The following TAFA1 variants were observed in gnomAD, a reference collection of about 807,000 sequenced individuals.
TAFA1 encodes the protein TAFA chemokine like family member 1.
TAFA1 carries 4 observed loss-of-function variants against 18.5 expected under a neutral mutation model. The observed-to-expected ratio is 0.22, with a 90% CI of 0.11 to 0.49. The LOEUF (loss-of-function observed/expected upper bound fraction) is 0.49, where lower values mean the gene tolerates loss of function less well. TAFA1 is among the 20% of genes least tolerant of loss of function. The pLI is 0.98. For synonymous variants in TAFA1, 56 were observed against 55.2 expected (o/e 1.01, Z -0.06); for missense variants, 147 against 169.0 (o/e 0.87, Z 0.72).
chr3:68,059,934 G>A (rs760041962), intron 2 of TAFA1, among the ~76,000 whole-genome samples: 2 of 152,022 alleles, frequency 1.3e-5, no homozygotes, highest in African/African-American at 2.4e-5. Context: ...GGGAGCCCCC[G>A]CAGGCTTGTT....
At chr3:68,065,845 C>T (rs1000544309) in intron 2 of TAFA1, among the ~76,000 whole-genome samples, 10 of 151,258 alleles carry the variant, frequency 6.6e-5, no homozygotes, top group Admixed American at 6.6e-5. Context: ...TTGAAAACAA[C>T]CCAAATGTTC....
chr3:68,499,446 C>CT (rs752597708), intron 3 of TAFA1, among the ~76,000 whole-genome samples: 42,220 of 111,816 alleles, frequency 0.38, 7,342 homozygotes, highest in African/African-American at 0.51. Context: ...GTGTTCCTTT[C>CT]TTTTTTTTTT....
chr3:68,241,289 T>C (rs937642797), intron 2 of TAFA1, among the ~76,000 whole-genome samples: 1 of 152,154 alleles, frequency 6.6e-6, no homozygotes, highest in Non-Finnish European at 1.5e-5. Flanking sequence ...CAGATTTAAA[T>C]AGAAGGAAAA....
chr3:68,148,982 T>A (rs6797751), intron 2 of TAFA1, among the ~76,000 whole-genome samples: 2,721 of 152,328 alleles, frequency 0.018, 89 homozygotes, highest in African/African-American at 0.062. Flanking sequence ...AGCAATATTA[T>A]TTTATTCTGC....
chr3:68,355,172 G>A (rs2069338559), intron 2 of TAFA1, among the ~76,000 whole-genome samples: 1 of 151,940 alleles, frequency 6.6e-6, no homozygotes, highest in Non-Finnish European at 1.5e-5. Context: ...GGTCTATCAT[G>A]CTCTCTTCTT....
chr3:68,369,552 T>C (rs1260191989), intron 2 of TAFA1, among the ~76,000 whole-genome samples: 2 of 152,228 alleles, frequency 1.3e-5, no homozygotes, highest in East Asian at 1.9e-4. Flanking sequence ...CCATTGGTTG[T>C]TAGCCAATAG....
At chr3:68,051,155 G>C (rs751896139) in intron 2 of TAFA1, among the ~76,000 whole-genome samples, 1 of 152,094 alleles carries the variant, frequency 6.6e-6, no homozygotes, top group African/African-American at 2.4e-5. Flanking sequence ...GGTTGTTGGA[G>C]GAGATGGACT....
intron 2 of TAFA1, among the ~76,000 whole-genome samples, chr3:68,066,778 G>T (rs1007122925): frequency 7.2e-5 from 11 of 152,146 alleles, no homozygotes; most frequent in Non-Finnish European, 1.6e-4. Flanking sequence ...AAAAGCTGAG[G>T]CAGGATAACC....
At chr3:68,176,537 T>C (rs1239984859) in intron 2 of TAFA1, among the ~76,000 whole-genome samples, 2 of 152,206 alleles carry the variant, frequency 1.3e-5, no homozygotes. Flanking sequence ...GATGAAGCTT[T>C]TTAATTGACA....
chr3:68,336,336 A>G (rs1458580726), intron 2 of TAFA1, among the ~76,000 whole-genome samples: 1 of 152,130 alleles, frequency 6.6e-6, no homozygotes, highest in Non-Finnish European at 1.5e-5. Flanking sequence ...TCTAATTTTC[A>G]TGCTTTTGGG....
At position 68,028,789 on chromosome 3, in the gene TAFA1, G is replaced by C. The variant is rs1324840379; in HGVS notation, c.118+22045G>C. On this transcript the variant is annotated intron_variant, in intron 2 of 4. Coordinates refer to ENST00000478136, the MANE Select transcript of TAFA1 (RefSeq NM_213609.4). ...TTTTTTTGAGATAGGGTTTCACTCTGTTGCCCAGGCGGGAATGCAGTGACA... is the reference window on the plus strand; with the variant it reads ...TTTTTTTGAGATAGGGTTTCACTCTCTTGCCCAGGCGGGAATGCAGTGACA... 2.0e-5 allele frequency among the ~76,000 whole-genome samples: 3 copies of C among 148,294 alleles called. No individual in the cohort carries two copies. In the South Asian group the frequency reaches 6.4e-4, roughly 32 times the overall value.
At chr3:68,058,130 C>A (rs556343396) in intron 2 of TAFA1, among the ~76,000 whole-genome samples, 1 of 152,154 alleles carries the variant, frequency 6.6e-6, no homozygotes, top group South Asian at 2.1e-4. Flanking sequence ...TCTGCTGGAA[C>A]TATAGTATAG....
upstream of TAFA1, among the ~76,000 whole-genome samples, chr3:68,000,705 A>G (rs1704274104): frequency 6.6e-6 from 1 of 152,240 alleles, no homozygotes; most frequent in Non-Finnish European, 1.5e-5. Context: ...GGTGGGAGGT[A>G]CATACTCCAA....
chr3:68,219,765 A>G (rs1277391347), intron 2 of TAFA1, among the ~76,000 whole-genome samples: 1 of 152,060 alleles, frequency 6.6e-6, no homozygotes, highest in Non-Finnish European at 1.5e-5. Context: ...CATTATAATC[A>G]CTTTTGCTGC....
At chr3:68,450,219 C>T (rs1366325810) in intron 3 of TAFA1, among the ~76,000 whole-genome samples, 3 of 152,124 alleles carry the variant, frequency 2.0e-5, no homozygotes, top group Non-Finnish European at 4.4e-5. Context: ...AGTGATTTGC[C>T]TACTTTCTAG....
intron 2 of TAFA1, among the ~76,000 whole-genome samples, chr3:68,044,096 T>C (rs530269451): frequency 6.6e-6 from 1 of 152,332 alleles, no homozygotes; most frequent in Admixed American, 6.5e-5. Flanking sequence ...AAACATACTG[T>C]GTCCTTAGAT....
At chr3:68,042,649 C>A (rs1705189399) in intron 2 of TAFA1, among the ~76,000 whole-genome samples, 2 of 152,272 alleles carry the variant, frequency 1.3e-5, no homozygotes, top group South Asian at 4.1e-4. Flanking sequence ...AACTCCATCT[C>A]AAACACACAA....
intron 2 of TAFA1, among the ~76,000 whole-genome samples, chr3:68,375,055 A>AT (rs2069782455): frequency 1.3e-5 from 2 of 152,014 alleles, no homozygotes; most frequent in Non-Finnish European, 2.9e-5. Context: ...TCTGGTGCTG[A>AT]TTTATCAAAA....
At chr3:68,362,588 C>A (rs1043523411) in intron 2 of TAFA1, among the ~76,000 whole-genome samples, 1 of 151,882 alleles carries the variant, frequency 6.6e-6, no homozygotes, top group African/African-American at 2.4e-5. Flanking sequence ...GGTTTGTTTG[C>A]CAAAAATAAA....
Sources: allele counts gnomAD v4.1 joint callset (sites outside exome capture counted in the v4.1 genomes callset), GRCh38; gene constraint gnomAD v4.1.1; transcripts MANE v1.5; gene names NCBI Gene and HGNC (gene_info 2026-07-23, HGNC 2026-07-21).